SYTL4: variants seen among roughly 807,000 people sequenced by gnomAD.
SYTL4 encodes the protein synaptotagmin like 4.
Under a neutral mutation model 52.7 loss-of-function variants are expected in SYTL4, and 16 were observed. That is an observed-to-expected ratio of 0.30 (90% CI 0.21 to 0.46). The LOEUF (loss-of-function observed/expected upper bound fraction) is 0.46. Among genes scored for constraint, SYTL4 ranks in the 20% least tolerant of loss-of-function variants. The probability of loss-of-function intolerance (pLI) is 1.00; values close to 1 mark genes in which losing one functional copy is unlikely to be tolerated. For missense variants in SYTL4, 423 were observed against 519.9 expected, an observed-to-expected ratio of 0.81 and a Z score of 1.81; for synonymous variants, 160 against 186.6, an observed-to-expected ratio of 0.86 and a Z score of 1.16.
chrX:100,687,315 T>C, intron 13 of SYTL4, 70 bp from the exon 14 acceptor site: 2 of 996,778 alleles, frequency 2.0e-6, no homozygotes, highest in Non-Finnish European at 1.4e-6. Flanking sequence ...ACATCTTCCC[T>C]CATGATAAAA....
chrX:100,722,118 C>A (rs932697738), intron 2 of SYTL4, among the ~76,000 whole-genome samples: 2 of 111,651 alleles, frequency 1.8e-5, no homozygotes, highest in Admixed American at 9.5e-5. Context: ...ATTGTTTCAA[C>A]TGCACTCTTG....
chrX:100,712,554 G>A (rs978986289), intron 2 of SYTL4, among the ~76,000 whole-genome samples: 1 of 112,269 alleles, frequency 8.9e-6, no homozygotes, highest in African/African-American at 3.2e-5. Context: ...GGAAAAACTA[G>A]ATATCCATAT....
chrX:100,698,321 T>C (rs2083756309), intron 8 of SYTL4, among the ~76,000 whole-genome samples: 1 of 111,167 alleles, frequency 9.0e-6, no homozygotes, highest in African/African-American at 3.3e-5. Flanking sequence ...GCCAGGATGG[T>C]CTCGATCTCC....
chrX:100,707,439 C>T (rs966849467), intron 2 of SYTL4, among the ~76,000 whole-genome samples: 1 of 111,449 alleles, frequency 9.0e-6, no homozygotes, highest in Non-Finnish European at 1.9e-5. Flanking sequence ...CCTCCTACCT[C>T]ACTACCATCA....
chrX:100,715,506 G>A (rs5967176), intron 2 of SYTL4, among the ~76,000 whole-genome samples: 46,981 of 110,662 alleles, frequency 0.42, 8,023 homozygotes, highest in Non-Finnish European at 0.53. Flanking sequence ...TCATGATTCT[G>A]CTTGCATAGA....
rs1397557140 is a variant in SYTL4 at position 100,687,079 on chromosome X, T to C, written c.1172A>G (p.Lys391Arg). 7 of 1,211,218 alleles carry C rather than the reference T, an allele frequency of 5.8e-6. No individual in the cohort carries two copies. The highest frequency in any genetic ancestry group is 7.8e-6 in the Non-Finnish European group (7 of 895,338). ...HQLAYADEAKKRSNPYVKTYL... is the reference protein window; with the variant it reads ...HQLAYADEAKRRSNPYVKTYL... The stretch of plus-strand genomic sequence containing the variant: ...CAGAAGCACTCACGGGTTAGAGCGC[T>C]TCTTGGCTTCATCAGCATAGGCCAG... Residue 391 changes from lysine to arginine, a missense_variant, in exon 14 of 20, where the codon AAG becomes AGG. Lys to Arg is a conservative substitution (Grantham distance 26, BLOSUM62 2). Transcript: ENST00000372989.
At chrX:100,716,566 A>T in intron 2 of SYTL4, among the ~76,000 whole-genome samples, 1 of 101,416 alleles carries the variant, frequency 9.9e-6, no homozygotes. Context: ...AAAAAAAAAA[A>T]GAAAAAAACT....
At chrX:100,711,489 T>C (rs1226660553) in intron 2 of SYTL4, among the ~76,000 whole-genome samples, 3 of 111,445 alleles carry the variant, frequency 2.7e-5, no homozygotes, top group Non-Finnish European at 5.6e-5. Flanking sequence ...AAATCAAACC[T>C]ATGGATAAAA....
chrX:100,677,824 G>C (rs2083305711), intron 19 of SYTL4, among the ~76,000 whole-genome samples: 1 of 112,120 alleles, frequency 8.9e-6, no homozygotes, highest in African/African-American at 3.2e-5. Flanking sequence ...GTGAAGGAGA[G>C]CTGAAGGAGA....
At chrX:100,717,803 A>C (rs746730350) in intron 2 of SYTL4, among the ~76,000 whole-genome samples, 6 of 111,949 alleles carry the variant, frequency 5.4e-5, no homozygotes, top group Admixed American at 9.5e-5. Context: ...TTACACGGAG[A>C]GAAAATCTGC....
At chrX:100,679,199 T>C (rs1272545240) in intron 18 of SYTL4, 114 bp downstream of exon 18, 2 of 543,079 alleles carry the variant, frequency 3.7e-6, no homozygotes, top group African/African-American at 2.3e-5. Flanking sequence ...AGGAACAAAT[T>C]TGGTTGCCGG....
chrX:100,710,732 G>T (rs992458194), intron 2 of SYTL4, among the ~76,000 whole-genome samples: 15 of 112,198 alleles, frequency 1.3e-4, no homozygotes, highest in African/African-American at 4.2e-4. Context: ...TAATGGTACA[G>T]AAAGGAAGAA....
chrX:100,714,335 C>G (rs771232827), intron 2 of SYTL4, among the ~76,000 whole-genome samples: 10 of 108,112 alleles, frequency 9.2e-5, no homozygotes, highest in African/African-American at 2.7e-4. Flanking sequence ...TCTTGGCTCA[C>G]TGCAAGCTCC....
intron 15 of SYTL4, 59 bp downstream of exon 15, chrX:100,686,620 C>A (rs1342263350): frequency 1.1e-6 from 1 of 914,591 alleles, no homozygotes; most frequent in Non-Finnish European, 1.6e-6. Context: ...AGAGGAATAG[C>A]TACAGCTTAG....
At chrX:100,687,302 C>T in intron 13 of SYTL4, 57 bp from the exon 14 acceptor site, 1 of 1,046,514 alleles carries the variant, frequency 9.6e-7, no homozygotes, top group Non-Finnish European at 1.3e-6. Flanking sequence ...GCCCGCATTG[C>T]TCACATCTTC....
At chrX:100,682,967 T>G (rs954637221) in intron 16 of SYTL4, among the ~76,000 whole-genome samples, 1 of 109,241 alleles carries the variant, frequency 9.2e-6, no homozygotes, top group East Asian at 2.9e-4. Flanking sequence ...AAGGTAAGAG[T>G]GAACGAATGA....
In SYTL4 at chrX:100,676,062, C is replaced by T. The variant is rs139707843; in HGVS notation, c.1982G>A (p.Arg661His). 290 of 1,208,117 alleles carry T rather than the reference C, an allele frequency of 2.4e-4. No individual in the cohort carries two copies. In the East Asian group the frequency reaches 5.0e-3, roughly 21 times the overall value. The change falls in exon 20 of 20, where the codon CGT (arginine) becomes CAT (histidine). Residue 661 changes from arginine to histidine, a missense_variant. Transcript: ENST00000372989. ...CAGCTTCTGCTTGGCCATTGAGGAA[C>T]GGAGCTGCAGAGTCCCTTCTGCCCA... ...GSWAEGTLQL[R>H]SSMAKQKLGL
chrX:100,699,482 C>CATTTTTTTTTTTTTTTTTTTT (rs1313181387), intron 8 of SYTL4, among the ~76,000 whole-genome samples: 1 of 59,892 alleles, frequency 1.7e-5, no homozygotes, highest in Non-Finnish European at 2.7e-5. Context: ...CAGCATTACT[C>CATTTTTTTTTTTTTTTTTTTT]TTTTTTTTTT....
chrX:100,693,096 A>AT (rs2147733087), intron 8 of SYTL4, among the ~76,000 whole-genome samples: 1 of 110,721 alleles, frequency 9.0e-6, no homozygotes, highest in South Asian at 3.9e-4. Context: ...TGGCTGGCTA[A>AT]TTTTTTTATT....
Sources: gnomAD v4.1 joint callset for allele counts (sites outside exome capture counted in the v4.1 genomes callset) on GRCh38, gnomAD v4.1.1 for gene constraint, MANE v1.5 for transcripts, NCBI Gene and HGNC (gene_info 2026-07-23, HGNC 2026-07-21) for gene names.